Variants in KIF2A observed in about 807,000 individuals in gnomAD.
KIF2A encodes the protein kinesin-like protein KIF2A.
A neutral mutation model predicts 100.2 loss-of-function variants in KIF2A; 22 were observed. That is an observed-to-expected ratio of 0.22 (90% CI 0.16 to 0.31). The LOEUF (loss-of-function observed/expected upper bound fraction) is 0.31, where lower values mean the gene tolerates loss of function less well. KIF2A is among the 10% of genes least tolerant of loss of function. The pLI, the probability that KIF2A is intolerant of heterozygous loss-of-function variation, is 1.00. For synonymous variants in KIF2A, 268 were observed against 285.9 expected (o/e 0.94, Z 0.63); for missense variants, 495 against 898.7 (o/e 0.55, Z 5.74).
Position 62,373,756 on chromosome 5 carries a change from C to T in KIF2A, c.1830C>T (p.Asn610=). Reference sequence around the variant, plus strand: ...GTCCAATAATGCACCATCCACCAAACCAGATTGATGACTTAGAGACACAGT... The same window carrying T: ...GTCCAATAATGCACCATCCACCAAATCAGATTGATGACTTAGAGACACAGT... ...DVRPIMHHPP[N]QIDDLETQWG... is the part of the protein sequence containing the mutation. Residue 610 remains asparagine (N), a synonymous_variant, in exon 18 of 21, where the codon AAC becomes AAT. Transcript: ENST00000407818. 4.3e-6 allele frequency: 7 copies of T among 1,613,180 alleles called. No homozygotes were observed. Among genetic ancestry groups the T allele is most frequent in the Non-Finnish European group, 5.9e-6 (7 of 1,179,154 alleles).
intron 1 of KIF2A, among the ~76,000 whole-genome samples, chr5:62,307,732 C>G (rs1745383865): frequency 6.6e-6 from 1 of 151,826 alleles, no homozygotes; most frequent in Admixed American, 6.6e-5. Flanking sequence ...ATTCTTGTGC[C>G]TCAGCCTCCT....
chr5:62,306,618 C>T, intron 1 of KIF2A, 82 bp downstream of exon 1: 3 of 1,140,552 alleles, frequency 2.6e-6, no homozygotes, highest in Non-Finnish European at 3.8e-6. Context: ...CCGGCCGCCT[C>T]ATTGATTGCT....
chr5:62,338,985 T>C (rs558380708), intron 1 of KIF2A, among the ~76,000 whole-genome samples: 14 of 152,324 alleles, frequency 9.2e-5, no homozygotes, highest in African/African-American at 2.4e-4. Context: ...CTGACTAATA[T>C]TGTTTTCATG....
At chr5:62,345,853 T>G (rs975246599) in intron 1 of KIF2A, among the ~76,000 whole-genome samples, 1 of 152,162 alleles carries the variant, frequency 6.6e-6, no homozygotes, top group Non-Finnish European at 1.5e-5. Context: ...GAAGATGCAG[T>G]ATATTGCATA....
chr5:62,352,152 C>T (rs928074139), intron 4 of KIF2A, among the ~76,000 whole-genome samples: 1 of 118,974 alleles, frequency 8.4e-6, no homozygotes, highest in Admixed American at 9.0e-5. Flanking sequence ...GACTTCATCT[C>T]AAAAAAAAAA....
chr5:62,355,461 A>T (rs908490719), intron 7 of KIF2A, among the ~76,000 whole-genome samples: 2 of 152,198 alleles, frequency 1.3e-5, no homozygotes, highest in Admixed American at 6.5e-5. Context: ...TATGCTCCCT[A>T]TAGAGATGTC....
intron 20 of KIF2A, among the ~76,000 whole-genome samples, chr5:62,384,073 C>T (rs956792811): frequency 2.6e-5 from 4 of 152,062 alleles, no homozygotes; most frequent in African/African-American, 9.7e-5. Flanking sequence ...CCTGTCTCTA[C>T]TAAAAATACA....
intron 12 of KIF2A, among the ~76,000 whole-genome samples, chr5:62,362,812 G>A (rs932245363): frequency 6.6e-6 from 1 of 151,976 alleles, no homozygotes; most frequent in Non-Finnish European, 1.5e-5. Context: ...TAAACTCTGG[G>A]TGACTCATTT....
At chr5:62,318,360 C>T (rs981695311) in intron 1 of KIF2A, among the ~76,000 whole-genome samples, 18 of 152,284 alleles carry the variant, frequency 1.2e-4, no homozygotes, top group Middle Eastern at 6.8e-3. Flanking sequence ...GGATTACAGG[C>T]GTGAGCCACT....
intron 1 of KIF2A, among the ~76,000 whole-genome samples, chr5:62,323,429 A>G (rs974494091): frequency 2.6e-5 from 4 of 151,976 alleles, no homozygotes; most frequent in African/African-American, 9.7e-5. Context: ...AGGCTGAGGC[A>G]GGAGAATGGC....
At chr5:62,320,272 A>C (rs1308848116) in intron 1 of KIF2A, among the ~76,000 whole-genome samples, 1 of 152,164 alleles carries the variant, frequency 6.6e-6, no homozygotes, top group Non-Finnish European at 1.5e-5. Context: ...ATTTGTGCCT[A>C]ATCTGTAGCT....
At chr5:62,368,367 G>C in intron 16 of KIF2A, among the ~76,000 whole-genome samples, 1 of 151,356 alleles carries the variant, frequency 6.6e-6, no homozygotes, top group South Asian at 2.1e-4. Context: ...AACCCCCCGG[G>C]TTTTTTTTGC....
At chr5:62,383,424 T>C (rs1424637964) in intron 20 of KIF2A, among the ~76,000 whole-genome samples, 2 of 151,222 alleles carry the variant, frequency 1.3e-5, no homozygotes, top group African/African-American at 2.4e-5. Flanking sequence ...TTTGTATTTT[T>C]AGTAGAGACG....
At chr5:62,322,166 G>A (rs923100980) in intron 1 of KIF2A, among the ~76,000 whole-genome samples, 1 of 152,114 alleles carries the variant, frequency 6.6e-6, no homozygotes, top group Admixed American at 6.6e-5. Context: ...CTGGGCTCAA[G>A]TGATCCTCCC....
chr5:62,382,621 C>A (rs1741820489), intron 20 of KIF2A, among the ~76,000 whole-genome samples: 2 of 146,808 alleles, frequency 1.4e-5, no homozygotes, highest in Non-Finnish European at 3.0e-5. Flanking sequence ...TTTTGGAACA[C>A]TTCAGGTTTC....
chr5:62,335,280 C>T (rs1715812259), intron 1 of KIF2A, among the ~76,000 whole-genome samples: 1 of 152,152 alleles, frequency 6.6e-6, no homozygotes, highest in Admixed American at 6.6e-5. Context: ...AGCTATTGGG[C>T]CTGGAAGGGC....
intron 1 of KIF2A, 124 bp downstream of exon 1, chr5:62,306,660 C>T: frequency 5.2e-6 from 4 of 773,360 alleles, no homozygotes; most frequent in Admixed American, 2.8e-5. Context: ...AAGGCGGCGG[C>T]CGCGGCGCTT....
At chr5:62,372,662 G>A (rs1364439753) in intron 17 of KIF2A, 111 bp downstream of exon 17, 6 of 617,210 alleles carry the variant, frequency 9.7e-6, no homozygotes, top group Non-Finnish European at 1.7e-5. Flanking sequence ...AGTTTTCATT[G>A]TCATTTCATT....
At position 62,366,499 on chromosome 5, in the gene KIF2A, C is replaced by A. The variant is rs1398099048; in HGVS notation, c.1646+18C>A. ...GCAAATAGGTATGAGAGATAGTTCT[C>A]CATTTTGAAATTTGAGGGGAGTACA... On this transcript the variant is annotated intron_variant, in intron 16 of 20. Coordinates refer to ENST00000407818, the MANE Select transcript of KIF2A (RefSeq NM_001098511.3). The A allele has an allele frequency of 2.1e-6, 3 of 1,463,222 alleles. No individual in the cohort carries two copies. In the South Asian group the frequency reaches 3.6e-5, roughly 18 times the overall value. The allele number at this position is 1,463,222 out of a possible 1,614,324, so 90.6% of individuals were successfully genotyped here.
Sources: allele counts gnomAD v4.1 joint callset (sites outside exome capture counted in the v4.1 genomes callset), GRCh38; gene constraint gnomAD v4.1.1; transcripts MANE v1.5; gene names NCBI Gene and HGNC (gene_info 2026-07-23, HGNC 2026-07-21).